The following CPNE7 variants were observed in gnomAD, a reference collection of about 807,000 sequenced individuals.
CPNE7 encodes copine 7, also known as copine-7.
A neutral mutation model predicts 66.5 loss-of-function variants in CPNE7; 78 were observed. That is an observed-to-expected ratio of 1.17 (90% CI 0.98 to 1.42). The LOEUF is 1.42. Ranked by LOEUF, CPNE7 falls within the 40% of genes most tolerant of loss-of-function variation. The pLI is 0.00. For missense variants in CPNE7, 1,012 were observed against 776.6 expected, an observed-to-expected ratio of 1.30 and a Z score of -3.60; for synonymous variants, 468 against 336.7, an observed-to-expected ratio of 1.39 and a Z score of -4.27.
chr16:89,586,621 G>A (rs746508711), intron 7 of CPNE7, 49 bp from the exon 8 acceptor site: 1 of 1,476,040 alleles, frequency 6.8e-7, no homozygotes, highest in South Asian at 1.1e-5. Flanking sequence ...CTCCCTGGTA[G>A]GTGTTCAGAG....
Position 89,584,867 on chromosome 16 carries a change from C to A in CPNE7, c.591+10C>A. 1.2e-6 allele frequency: 2 copies of A among 1,611,754 alleles called. No homozygotes were observed. Among genetic ancestry groups the A allele is most frequent in the South Asian group, 1.1e-5 (1 of 91,006 alleles). On this transcript the variant is annotated intron_variant, in intron 5 of 14. Coordinates refer to ENST00000319518, the MANE Select transcript of CPNE7 (RefSeq NM_153636.3). The surrounding 1 kb of genome is among the most constrained non-coding windows in gnomAD (Gnocchi z 6.0). Reference sequence around the variant, plus strand: ...GGTGTACAGGACGGAGGTGAGCGGCCGGGGATGGGAACACAGGGAGGGGAA... The same window carrying A: ...GGTGTACAGGACGGAGGTGAGCGGCAGGGGATGGGAACACAGGGAGGGGAA...
chr16:89,587,304 G>GCC (rs1331869109), intron 9 of CPNE7, among the ~76,000 whole-genome samples: 7 of 46 alleles, frequency 0.15, 2 homozygotes, highest in Admixed American at 0.5. Context: ...CTGTGGCCCC[G>GCC]CCCATCCCCG....
At chr16:89,581,818 C>T (rs1037129666) in intron 2 of CPNE7, among the ~76,000 whole-genome samples, 1 of 152,136 alleles carries the variant, frequency 6.6e-6, no homozygotes, top group African/African-American at 2.4e-5. Context: ...CTACGTTTTG[C>T]ATTTTTTGAA....
intron 7 of CPNE7, 113 bp from the exon 8 acceptor site, chr16:89,586,557 C>T (rs558363243): frequency 2.5e-6 from 2 of 811,396 alleles, no homozygotes; most frequent in African/African-American, 1.7e-5. Flanking sequence ...CTCCCCTCCC[C>T]TCCCCACCAC....
intron 13 of CPNE7, among the ~76,000 whole-genome samples, chr16:89,591,945 C>T (rs1478105925): frequency 6.6e-6 from 1 of 151,630 alleles, no homozygotes; most frequent in African/African-American, 2.4e-5. Flanking sequence ...ATGATCCACC[C>T]GCCTCGGCCT....
chr16:89,592,569 A>C (rs2059190011), intron 13 of CPNE7, among the ~76,000 whole-genome samples: 1 of 149,376 alleles, frequency 6.7e-6, no homozygotes, highest in African/African-American at 2.5e-5. Context: ...CAGCCTCCCG[A>C]GTAGCTGGGA....
At position 89,595,597 on chromosome 16, in the gene CPNE7, C is replaced by A; in HGVS notation, c.1533C>A (p.Leu511=). Residue 511 remains leucine, a synonymous_variant, in exon 14 of 15, where the codon CTC becomes CTA. Coordinates refer to ENST00000319518, the MANE Select transcript of CPNE7 (RefSeq NM_153636.3). ...DIVQFVPFRE[L]KNASPAALAK... ...TACAGTTCGTGCCCTTCCGGGAGCT[C>A]AAGAACGTGAGTGTCCTGGAGGGGC... 6.2e-7 allele frequency: 1 copy of A among 1,601,896 alleles called. No homozygotes were observed. Among genetic ancestry groups the A allele is most frequent in the South Asian group, 1.1e-5 (1 of 90,456 alleles).
chr16:89,596,813 C>A lies in CPNE7; in HGVS notation c.*192C>A. On this transcript the variant is annotated 3_prime_UTR_variant, in exon 15 of 15. Transcript: ENST00000319518. ...TGGGGCCCCCAAGGCCGAAGGGTGA[C>A]AAAATACAGGCCCCCATGCCTGGCC... 1 of 622,066 alleles carries A rather than the reference C, an allele frequency of 1.6e-6. No homozygotes were observed. Among genetic ancestry groups the A allele is most frequent in the South Asian group, 3.3e-5 (1 of 30,628 alleles). The allele number at this position is 622,066 out of a possible 1,614,324, so 38.5% of individuals were successfully genotyped here.
chr16:89,590,988 C>A lies in CPNE7; in HGVS notation c.1117-19C>A, dbSNP rs768145638. On this transcript the variant is annotated intron_variant, in intron 11 of 14. Transcript: ENST00000319518. ...GTGTTGCAACGAGCAGCTGACTGAG[C>A]CCTCTTGTTCCCACCCAGGTGTCCC... 66 of 1,613,386 alleles carry A rather than the reference C, an allele frequency of 4.1e-5. No individual in the cohort carries two copies. Among genetic ancestry groups the A allele is most frequent in the Non-Finnish European group, 5.4e-5 (64 of 1,179,822 alleles).
At chr16:89,590,435 G>A (rs910082693) in intron 11 of CPNE7, among the ~76,000 whole-genome samples, 1 of 152,090 alleles carries the variant, frequency 6.6e-6, no homozygotes, top group Non-Finnish European at 1.5e-5. Context: ...TGAAGCAAGA[G>A]AATTGCTTGA....
chr16:89,591,103 G>A (rs374084337), intron 12 of CPNE7, 24 bp from the exon 13 acceptor site: 42 of 1,613,042 alleles, frequency 2.6e-5, no homozygotes, highest in Non-Finnish European at 3.4e-5. Flanking sequence ...CAGGGGGGCC[G>A]GGCTCACCCC....
chr16:89,576,702 CG>C lies in CPNE7; in HGVS notation c.174+633del, dbSNP rs563681896. 2.8e-4 allele frequency among the ~76,000 whole-genome samples: 42 copies of C among 152,258 alleles called. No individual in the cohort carries two copies. The East Asian group carries it at 6.4e-3, about 23-fold the overall frequency. On this transcript the variant is annotated intron_variant, in intron 1 of 14. Transcript: ENST00000319518. Reference sequence around the variant, plus strand: ...GCGAAGCCGCAGCGGGCGGAGGAGCCGGAACTCGAACCCCAGTCCGCGCGGG... The same window carrying C: ...GCGAAGCCGCAGCGGGCGGAGGAGCCGAACTCGAACCCCAGTCCGCGCGGG...
Position 89,586,985 on chromosome 16 carries a change from G to T in CPNE7, c.868-58G>T. ...CTGCGGGAGGCAGGCCTGGATCCCAGCTGGCACTGGCCTCAGTGTCCCTGG... is the reference window on the plus strand; with the variant it reads ...CTGCGGGAGGCAGGCCTGGATCCCATCTGGCACTGGCCTCAGTGTCCCTGG... On this transcript the variant is annotated intron_variant, in intron 8 of 14. Coordinates refer to ENST00000319518, the MANE Select transcript of CPNE7 (RefSeq NM_153636.3). 4.0e-6 allele frequency: 6 copies of T among 1,514,534 alleles called. No individual in the cohort carries two copies. The South Asian group carries it at 6.0e-5, about 15-fold the overall frequency. 93.8% of individuals were successfully genotyped at this position (1,514,534 alleles called of 1,614,324 possible).
At chr16:89,588,622 C>G in intron 9 of CPNE7, 53 bp from the exon 10 acceptor site, 1 of 1,606,260 alleles carries the variant, frequency 6.2e-7, no homozygotes, top group South Asian at 1.1e-5. Flanking sequence ...CTGTCAGGAG[C>G]GGGTTCGGGG....
chr16:89,589,783 A>C, intron 10 of CPNE7, 114 bp from the exon 11 acceptor site: 3 of 1,114,450 alleles, frequency 2.7e-6, no homozygotes, highest in Non-Finnish European at 4.0e-6. Flanking sequence ...CTGCCGTGGT[A>C]CCAGGCCTGG....
At chr16:89,592,057 G>C (rs1008546338) in intron 13 of CPNE7, among the ~76,000 whole-genome samples, 3 of 148,264 alleles carry the variant, frequency 2.0e-5, no homozygotes, top group African/African-American at 7.6e-5. Flanking sequence ...ACCCAGGCTG[G>C]AAGTGTAGTG....
At chr16:89,595,053 C>T (rs1461957925) in intron 13 of CPNE7, among the ~76,000 whole-genome samples, 1 of 152,092 alleles carries the variant, frequency 6.6e-6, no homozygotes, top group Non-Finnish European at 1.5e-5. Flanking sequence ...TCTCCTCTGG[C>T]CTCAGACCTC....
In CPNE7 at chr16:89,596,466, C is replaced by CG; in HGVS notation, c.1540-17dup. On this transcript the variant is annotated splice_polypyrimidine_tract_variant and intron_variant, in intron 14 of 14. Transcript: ENST00000319518. ...ATCTCGAAGGTCCCAGAGGTAACTG[C>CG]GTTGTCCCATCCTCCAGGCATCCCC... 6.3e-7 allele frequency: 1 copy of CG among 1,599,356 alleles called. No homozygotes were observed. The highest frequency in any genetic ancestry group is 8.5e-7 in the Non-Finnish European group (1 of 1,175,588).
intron 14 of CPNE7, 120 bp downstream of exon 14, chr16:89,595,723 G>T: frequency 1.1e-6 from 1 of 895,016 alleles, no homozygotes; most frequent in Admixed American, 1.8e-5. Context: ...TCTTGTGTCT[G>T]GGGGATCCTG....
Sources: allele counts gnomAD v4.1 joint callset (sites outside exome capture counted in the v4.1 genomes callset), GRCh38; gene constraint gnomAD v4.1.1; non-coding constraint Gnocchi (gnomAD v3.1); transcripts MANE v1.5; gene names NCBI Gene and HGNC (gene_info 2026-07-23, HGNC 2026-07-21).